The following NALF1 variants were observed in gnomAD, a reference collection of about 807,000 sequenced individuals.
NALF1 encodes the protein NALCN channel auxiliary factor 1, also known as family with sequence similarity 155 member A.
NALF1 carries 3 observed loss-of-function variants against 48.4 expected under a neutral mutation model. The ratio of observed to expected loss-of-function variants is 0.06; its 90% CI spans 0.03 to 0.16. The LOEUF is 0.16. NALF1 is among the 10% of genes least tolerant of loss of function. NALF1 has a pLI of 1.00. For missense variants in NALF1, 526 were observed against 571.5 expected, an observed-to-expected ratio of 0.92 and a Z score of 0.81; for synonymous variants, 262 against 245.7, an observed-to-expected ratio of 1.07 and a Z score of -0.62.
chr13:107,291,872 C>T (rs540114774), intron 1 of NALF1, among the ~76,000 whole-genome samples: 1 of 152,114 alleles, frequency 6.6e-6, no homozygotes, highest in South Asian at 2.1e-4. Context: ...GTACATATTC[C>T]AAACTGATTT....
chr13:107,329,766 G>C (rs1352107196), intron 1 of NALF1, among the ~76,000 whole-genome samples: 1 of 150,540 alleles, frequency 6.6e-6, no homozygotes, highest in Non-Finnish European at 1.5e-5. Flanking sequence ...TTTGGCTTTT[G>C]TCCTTGCAAT....
chr13:107,542,821 T>C (rs1877033424), intron 1 of NALF1, among the ~76,000 whole-genome samples: 1 of 152,128 alleles, frequency 6.6e-6, no homozygotes, highest in South Asian at 2.1e-4. Context: ...TAACATATTG[T>C]AAGTTTAGTC....
intron 1 of NALF1, among the ~76,000 whole-genome samples, chr13:107,322,444 C>T (rs565029429): frequency 1.3e-5 from 2 of 152,288 alleles, no homozygotes; most frequent in East Asian, 3.9e-4. Context: ...ACCAATCATT[C>T]AGTGCTAGAA....
intron 2 of NALF1, among the ~76,000 whole-genome samples, chr13:107,184,010 A>C (rs1879121862): frequency 6.7e-6 from 1 of 148,268 alleles, no homozygotes; most frequent in Non-Finnish European, 1.5e-5. Flanking sequence ...ACAGAGTCTC[A>C]CTCTGTTGCC....
At chr13:107,354,887 AAAG>A (rs1332929470) in intron 1 of NALF1, among the ~76,000 whole-genome samples, 1 of 152,158 alleles carries the variant, frequency 6.6e-6, no homozygotes, top group African/African-American at 2.4e-5. Context: ...TGTGCTAGAG[AAAG>A]AAGATTCCGG....
intron 1 of NALF1, among the ~76,000 whole-genome samples, chr13:107,571,605 T>C (rs2138402139): frequency 6.6e-6 from 1 of 152,268 alleles, no homozygotes; most frequent in South Asian, 2.1e-4. Context: ...TTTCCTTGAG[T>C]TCTTTGGGCC....
chr13:107,770,205 G>A (rs954857191), intron 1 of NALF1, among the ~76,000 whole-genome samples: 3 of 152,094 alleles, frequency 2.0e-5, no homozygotes, highest in Non-Finnish European at 2.9e-5. Flanking sequence ...GAGCCACCGC[G>A]CCGGGCCCAC....
intron 2 of NALF1, among the ~76,000 whole-genome samples, chr13:107,171,272 C>A (rs1878797883): frequency 6.6e-6 from 1 of 152,176 alleles, no homozygotes; most frequent in Admixed American, 6.5e-5. Flanking sequence ...GTCTTCTCTC[C>A]CCCTCTCTGG....
At chr13:107,181,722 T>C (rs569128932) in intron 2 of NALF1, among the ~76,000 whole-genome samples, 33 of 152,008 alleles carry the variant, frequency 2.2e-4, no homozygotes, top group African/African-American at 7.0e-4. Context: ...GTTTTACAAA[T>C]GTTTCTAATT....
intron 1 of NALF1, among the ~76,000 whole-genome samples, chr13:107,647,478 C>T (rs948510778): frequency 1.4e-5 from 2 of 148,024 alleles, no homozygotes; most frequent in African/African-American, 2.5e-5. Flanking sequence ...AAAAAAAAAA[C>T]TTAAACCTTC....
intron 1 of NALF1, among the ~76,000 whole-genome samples, chr13:107,660,131 C>G (rs927917384): frequency 2.0e-5 from 3 of 152,012 alleles, no homozygotes; most frequent in African/African-American, 7.2e-5. Flanking sequence ...AAACCATAGT[C>G]TCTTCACGTG....
In NALF1 at chr13:107,199,720, T is replaced by C. The variant is rs572732645; in HGVS notation, c.1087+10864A>G. On this transcript the variant is annotated intron_variant, in intron 2 of 2. Transcript: ENST00000375915. ...GAACTCCATTCAGCAGAAGCCTCCA[T>C]ACTGCATTGACAGGAGGGTGGGATA... Among the ~76,000 whole-genome samples the C allele has an allele frequency of 7.0e-4, 107 of 152,272 alleles. 1 individual carries two copies. Among genetic ancestry groups the C allele is most frequent in the South Asian group, 3.9e-3 (19 of 4,820 alleles).
intron 1 of NALF1, among the ~76,000 whole-genome samples, chr13:107,305,326 G>A (rs1881914303): frequency 6.6e-6 from 1 of 152,216 alleles, no homozygotes; most frequent in Non-Finnish European, 1.5e-5. Flanking sequence ...AGAAATGTCA[G>A]AGTAAAGGTT....
At chr13:107,547,184 C>T (rs567645912) in intron 1 of NALF1, among the ~76,000 whole-genome samples, 2 of 152,320 alleles carry the variant, frequency 1.3e-5, no homozygotes, top group East Asian at 3.9e-4. Context: ...TCGACTTCAA[C>T]CACATCAGAA....
intron 1 of NALF1, among the ~76,000 whole-genome samples, chr13:107,311,838 C>T (rs1411280718): frequency 1.3e-5 from 2 of 152,122 alleles, no homozygotes; most frequent in East Asian, 3.8e-4. Context: ...TCATCACTGG[C>T]CATCAGAGAA....
At chr13:107,651,862 G>A (rs1366264271) in intron 1 of NALF1, among the ~76,000 whole-genome samples, 2 of 152,128 alleles carry the variant, frequency 1.3e-5, no homozygotes, top group African/African-American at 4.8e-5. Context: ...GAAGTAAGGA[G>A]GCATCTTACT....
chr13:107,361,482 A>G (rs929031652), intron 1 of NALF1, among the ~76,000 whole-genome samples: 3 of 152,086 alleles, frequency 2.0e-5, no homozygotes, highest in South Asian at 2.1e-4. Context: ...ACTGTAGGGG[A>G]AAAAAAAGAT....
chr13:107,360,318 C>A (rs1311878487), intron 1 of NALF1, among the ~76,000 whole-genome samples: 1 of 152,036 alleles, frequency 6.6e-6, no homozygotes, highest in African/African-American at 2.4e-5. Context: ...CGCTCAGATC[C>A]CCAAAGAATT....
chr13:107,301,520 C>T (rs896638674), intron 1 of NALF1, among the ~76,000 whole-genome samples: 6 of 151,956 alleles, frequency 3.9e-5, no homozygotes, highest in South Asian at 2.1e-4. Context: ...CATTTACCTC[C>T]GAGATTACTA....
Sources: allele counts gnomAD v4.1 joint callset (sites outside exome capture counted in the v4.1 genomes callset), GRCh38; gene constraint gnomAD v4.1.1; transcripts MANE v1.5; gene names NCBI Gene and HGNC (gene_info 2026-07-23, HGNC 2026-07-21).